NBEAL2: variants seen among roughly 807,000 people sequenced by gnomAD.
The protein encoded by NBEAL2 is neurobeachin-like protein 2.
NBEAL2 carries 160 observed loss-of-function variants against 299.8 expected under a neutral mutation model. The ratio of observed to expected loss-of-function variants is 0.53; its 90% CI spans 0.47 to 0.61. The LOEUF is 0.61. Ranked by LOEUF, NBEAL2 falls within the 20% of genes least tolerant of loss-of-function variation. NBEAL2 has a pLI of 0.00. For missense variants in NBEAL2, 3,112 were observed against 3,649.0 expected (o/e 0.85, Z 3.79); for synonymous variants, 1,493 against 1,542.3 (o/e 0.97, Z 0.75).
intron 1 of NBEAL2, among the ~76,000 whole-genome samples, chr3:46,980,350 G>C (rs982218433): frequency 2.6e-5 from 4 of 152,206 alleles, no homozygotes; most frequent in African/African-American, 9.6e-5. Flanking sequence ...CTGATTGGGT[G>C]GTCGTGGCCA....
Position 46,995,339 on chromosome 3 carries a change from A to T in NBEAL2, c.1604A>T (p.His535Leu), listed in dbSNP as rs944209192. ...RVSIRPMELR[H>L]LLRPRPGLDS... Reference sequence around the variant, plus strand: ...TCAATAAGGCCCATGGAGCTGCGTCACCTGCTGCGCCCCCGGCCAGGATTG... The same window carrying T: ...TCAATAAGGCCCATGGAGCTGCGTCTCCTGCTGCGCCCCCGGCCAGGATTG... Residue 535 changes from histidine to leucine, a missense_variant, in exon 13 of 54, where the codon CAC (histidine) becomes CTC (leucine). His to Leu is a moderately conservative substitution (Grantham distance 99, BLOSUM62 -3). Around this residue, in one of 3 missense-constraint regions of NBEAL2, gnomAD observed 2,243 missense variants for 2,538.1 expected, o/e 0.88. Transcript: ENST00000450053. 6.2e-7 allele frequency: 1 copy of T among 1,607,144 alleles called. No homozygotes were observed. Among genetic ancestry groups the T allele is most frequent in the East Asian group, 2.2e-5 (1 of 44,598 alleles).
rs200225793 is a variant in NBEAL2, at chr3:46,989,414, G to A, written c.473+33G>A. The A allele has an allele frequency of 4.7e-4, 737 of 1,567,370 alleles. 4 individuals carry two copies. The Middle Eastern group carries it at 7.0e-3, about 15-fold the overall frequency. On this transcript the variant is annotated intron_variant, in intron 5 of 53. Coordinates refer to ENST00000450053, the MANE Select transcript of NBEAL2 (RefSeq NM_015175.3). This position sits in a 1 kb window ranked among gnomAD's most constrained non-coding sequence, Gnocchi z 5.5. ...CCAGCCCACAGGAAGGGAACCCAGA[G>A]GAGGGTGGGGAGAGGATGGCCGCGC... is the stretch of plus-strand genomic sequence containing the variant.
At position 46,995,134 on chromosome 3, in the gene NBEAL2, C is replaced by T. The variant is rs1235108342; in HGVS notation, c.1399C>T (p.Leu467=). The change falls in exon 13 of 54, where the codon CTG becomes TTG. Residue 467 remains leucine (L), a synonymous_variant. Coordinates refer to ENST00000450053, the MANE Select transcript of NBEAL2 (RefSeq NM_015175.3). ...GCTGCCGTCATTGCCCACCGCTGAG[C>T]TGCGGCTCTTCCTAGCGCAACGCCT... ...QWLPSLPTAE[L]RLFLAQRLRW... 1 of 1,575,640 alleles carries T rather than the reference C, an allele frequency of 6.3e-7. No individual in the cohort carries two copies. The highest frequency in any genetic ancestry group is 1.2e-5 in the South Asian group (1 of 85,984).
Position 46,979,835 on chromosome 3 carries a change from G to A in NBEAL2, c.-27G>A. Reference sequence around the variant, plus strand: ...CGGAGGAGGCGGCGACAGGTGGCGCGCAGCAGGGCCGGAGCCGGGCCGGGC... The same window carrying A: ...CGGAGGAGGCGGCGACAGGTGGCGCACAGCAGGGCCGGAGCCGGGCCGGGC... On this transcript the variant is annotated 5_prime_UTR_variant, in exon 1 of 54. Coordinates refer to ENST00000450053, the MANE Select transcript of NBEAL2 (RefSeq NM_015175.3). The A allele has an allele frequency of 2.4e-6, 1 of 421,596 alleles. No homozygotes were observed. Among genetic ancestry groups the A allele is most frequent in the Non-Finnish European group, 4.1e-6 (1 of 240,974 alleles). The allele number at this position is 421,596 out of a possible 1,614,324, so 26.1% of individuals were successfully genotyped here. A position where few individuals can be genotyped will look rare whatever the true frequency, so the allele number is the denominator to read the frequency against.
rs926911119 is a variant in NBEAL2, at chr3:46,998,178, C to A, written c.3070C>A (p.Leu1024Ile). The A allele has an allele frequency of 6.2e-7, 1 of 1,608,864 alleles. No homozygotes were observed. Among genetic ancestry groups the A allele is most frequent in the African/African-American group, 1.3e-5 (1 of 74,846 alleles). The change falls in exon 21 of 54, where the codon CTC becomes ATC. Residue 1024 changes from leucine to isoleucine, a missense_variant. Leu to Ile is a conservative substitution (Grantham distance 5). Coordinates refer to ENST00000450053, the MANE Select transcript of NBEAL2 (RefSeq NM_015175.3). ...PLLYLLYQHL[L>I]FNFHLWTLSD... The stretch of plus-strand genomic sequence containing the variant: ...CCTGTACCTACTCTACCAGCATTTG[C>A]TCTTCAACTTTCACCTCTGGACCCT...
At chr3:46,980,587 T>C (rs74487585) in intron 1 of NBEAL2, among the ~76,000 whole-genome samples, 271 of 147,184 alleles carry the variant, frequency 1.8e-3, no homozygotes, top group African/African-American at 6.3e-3. Context: ...AGGGTGAGGG[T>C]GGGTCCTTGA....
chr3:47,006,082 T>C lies in NBEAL2; in HGVS notation c.6919+19T>C. On this transcript the variant is annotated intron_variant, in intron 43 of 53. Transcript: ENST00000450053. ...TATGAGGGTGGGCAGTGCGCTGGACTCCAGTCAGGGCCAGGACAAGATCAG... is the reference window on the plus strand; with the variant it reads ...TATGAGGGTGGGCAGTGCGCTGGACCCCAGTCAGGGCCAGGACAAGATCAG... 7 of 1,613,034 alleles carry C rather than the reference T, an allele frequency of 4.3e-6. No homozygotes were observed. Among genetic ancestry groups the C allele is most frequent in the Non-Finnish European group, 5.9e-6 (7 of 1,179,294 alleles).
At position 46,991,681 on chromosome 3, in the gene NBEAL2, C is replaced by G; in HGVS notation, c.918C>G (p.Ser306Arg). ...AGGCCCTTGTCACCCTCCGGGTCAG[C>G]ATGCTCGGTGGGTATGGGCTCCCAG... The part of the protein sequence containing the change: ...PEEALVTLRV[S>R]MLDAIPMMLA... Residue 306 changes from serine (S) to arginine (R), a missense_variant, in exon 8 of 54, where the codon AGC becomes AGG. Ser to Arg is a moderately radical substitution (Grantham distance 110). This residue lies in a region of NBEAL2 where 2,243 missense variants were observed against 2,538.1 expected (regional missense o/e 0.88). Coordinates refer to ENST00000450053, the MANE Select transcript of NBEAL2 (RefSeq NM_015175.3). This position sits in a 1 kb window ranked among gnomAD's most constrained non-coding sequence, Gnocchi z 6.2. The G allele has an allele frequency of 6.3e-7, 1 of 1,596,118 alleles. No homozygotes were observed. Among genetic ancestry groups the G allele is most frequent in the Non-Finnish European group, 8.5e-7 (1 of 1,177,490 alleles).
chr3:47,007,222 T>C lies in NBEAL2; in HGVS notation c.7225-19T>C, dbSNP rs1317532119. 6.2e-7 allele frequency: 1 copy of C among 1,609,694 alleles called. No homozygotes were observed. The highest frequency in any genetic ancestry group is 1.7e-5 in the Admixed American group (1 of 59,352). On this transcript the variant is annotated intron_variant, in intron 46 of 53. Coordinates refer to ENST00000450053, the MANE Select transcript of NBEAL2 (RefSeq NM_015175.3). Reference sequence around the variant, plus strand: ...CTTGCCTCTGCCAGAAACCCACCTCTGCCCCCTCCTGCCTGCAGGTGACTG... The same window carrying C: ...CTTGCCTCTGCCAGAAACCCACCTCCGCCCCCTCCTGCCTGCAGGTGACTG...
At position 46,994,577 on chromosome 3, in the gene NBEAL2, G is replaced by C. The variant is rs755423330; in HGVS notation, c.1296+24G>C. 10 of 1,544,216 alleles carry C rather than the reference G, an allele frequency of 6.5e-6. No homozygotes were observed. The Admixed American group carries it at 1.9e-4, about 29-fold the overall frequency. ...TGGTGAGGGAAGGGGCTTGGGACCA[G>C]GGTCCCAAAGGCAACCAGAACTGAG... On this transcript the variant is annotated intron_variant, in intron 12 of 53. Transcript: ENST00000450053.
Position 47,007,540 on chromosome 3 carries a change from G to T in NBEAL2, c.7350G>T (p.Leu2450=). ...TMGSHKTQRL[L]SGPWVPGSGV... is the part of the protein sequence containing the mutation. ...ACTGGGTCAGGACGCAGCGACTGCT[G>T]AGTGGCCCGTGGGTGCCAGGCAGTG... The change falls in exon 48 of 54, where the codon CTG becomes CTT. Residue 2450 remains leucine, a synonymous_variant. Transcript: ENST00000450053. The T allele has an allele frequency of 1.2e-6, 2 of 1,612,110 alleles. No individual in the cohort carries two copies. The highest frequency in any genetic ancestry group is 1.1e-5 in the South Asian group (1 of 90,790).
intron 18 of NBEAL2, 53 bp downstream of exon 18, chr3:46,997,099 T>C (rs1042363970): frequency 2.5e-6 from 4 of 1,572,666 alleles, no homozygotes; most frequent in South Asian, 1.1e-5. Flanking sequence ...ATGGGGCACA[T>C]GTGTGTTCGG....
In NBEAL2 at chr3:47,001,395, TG is replaced by T. The variant is rs754081621; in HGVS notation, c.4602del (p.Cys1535ValfsTer67). ...LWLLRLLQDF[L>X]CAEGHGNQEL... is the part of the protein sequence containing the mutation. ...CTGCTGCGTCTGCTGCAGGACTTCC[TG>T]TGTGCTGAAGGCCATGGTAACCAGG... On this transcript the variant is annotated frameshift_variant, in exon 29 of 54. Coordinates refer to ENST00000450053, the MANE Select transcript of NBEAL2 (RefSeq NM_015175.3). LOFTEE classifies it high-confidence loss of function. The surrounding 1 kb of genome is among the most constrained non-coding windows in gnomAD (Gnocchi z 6.1). The T allele has an allele frequency of 6.2e-7, 1 of 1,613,216 alleles. No homozygotes were observed. The highest frequency in any genetic ancestry group is 8.5e-7 in the Non-Finnish European group (1 of 1,179,876).
rs1559625081 is a variant in NBEAL2, at chr3:47,008,666, C to G, written c.8025C>G (p.Asn2675Lys). Residue 2675 changes from asparagine to lysine, a missense_variant and splice_region_variant, in exon 52 of 54, where the codon AAC becomes AAG. By Grantham distance (94) the Asn-to-Lys change is moderately conservative. Transcript: ENST00000450053. Reference sequence around the variant, plus strand: ...GCGCCCTGCACATCCTCCAACTAAACACGTAAGCCCCCCATTTATGGGTTC... The same window carrying G: ...GCGCCCTGCACATCCTCCAACTAAAGACGTAAGCCCCCCATTTATGGGTTC... ...AQCALHILQL[N>K]TLLPAAPPLP... 5 of 1,613,198 alleles carry G rather than the reference C, an allele frequency of 3.1e-6. No individual in the cohort carries two copies. The highest frequency in any genetic ancestry group is 4.2e-6 in the Non-Finnish European group (5 of 1,179,870).
rs2107392571 is a variant in NBEAL2 at position 47,000,909 on chromosome 3, A to C, written c.4306-92A>C. 1 of 1,524,756 alleles carries C rather than the reference A, an allele frequency of 6.6e-7. No homozygotes were observed. The highest frequency in any genetic ancestry group is 2.5e-5 in the East Asian group (1 of 40,642). 94.5% of individuals were successfully genotyped at this position (1,524,756 alleles called of 1,614,324 possible). A position where few individuals can be genotyped will look rare whatever the true frequency, so the allele number is the denominator to read the frequency against. On this transcript the variant is annotated intron_variant, in intron 27 of 53. Coordinates refer to ENST00000450053, the MANE Select transcript of NBEAL2 (RefSeq NM_015175.3). This position sits in a 1 kb window ranked among gnomAD's most constrained non-coding sequence, Gnocchi z 4.5. Reference sequence around the variant, plus strand: ...CTGACTCCTGGGTGGCTACCCCAGGAGGGGTGCTGAGTGGGGATGGGTGGG... The same window carrying C: ...CTGACTCCTGGGTGGCTACCCCAGGCGGGGTGCTGAGTGGGGATGGGTGGG...
intron 47 of NBEAL2, 84 bp from the exon 48 acceptor site, chr3:47,007,441 G>C: frequency 6.4e-7 from 1 of 1,557,164 alleles, no homozygotes; most frequent in Non-Finnish European, 8.7e-7. Context: ...CCAGCTGCAG[G>C]GGAAAGGTCT....
chr3:46,999,915 A>G lies in NBEAL2; in HGVS notation c.3816A>G (p.Pro1272=), dbSNP rs1344322684. 3 of 1,609,690 alleles carry G rather than the reference A, an allele frequency of 1.9e-6. No individual in the cohort carries two copies. The highest frequency in any genetic ancestry group is 4.5e-5 in the East Asian group (2 of 44,790). ...RQLFHLIYGQ[P]DVVRLLARQA... The stretch of plus-strand genomic sequence containing the variant: ...TTTTCCACCTCATCTACGGACAGCC[A>G]GATGTAGTGCGGCTTCTGGCCCGAC... The change falls in exon 27 of 54, where the codon CCA becomes CCG. Residue 1272 remains proline, a synonymous_variant. Coordinates refer to ENST00000450053, the MANE Select transcript of NBEAL2 (RefSeq NM_015175.3).
intron 11 of NBEAL2, among the ~76,000 whole-genome samples, 158 bp downstream of exon 11, chr3:46,994,178 A>G (rs769289067): frequency 6.6e-6 from 1 of 152,182 alleles, no homozygotes; most frequent in Non-Finnish European, 1.5e-5. Flanking sequence ...CTCACTGGGC[A>G]GGTGTGGTCG....
chr3:47,006,225 T>A lies in NBEAL2; in HGVS notation c.6980T>A (p.Ile2327Asn), dbSNP rs2037432871. The A allele has an allele frequency of 6.2e-7, 1 of 1,613,808 alleles. No individual in the cohort carries two copies. Among genetic ancestry groups the A allele is most frequent in the Admixed American group, 1.7e-5 (1 of 59,992 alleles). ...ERERKALEGI[I>N]SNFGQTPCQL... ...GAACGGAAGGCTCTGGAGGGCATTA[T>A]CAGCAACTTTGGGCAGACTCCCTGT... Residue 2327 changes from isoleucine to asparagine, a missense_variant, in exon 44 of 54, where the codon ATC becomes AAC. Physicochemically the swap from Ile to Asn is moderately radical, Grantham distance 149 (BLOSUM62 -3). This residue lies in a region of NBEAL2 where 521 missense variants were observed against 729.6 expected (regional missense o/e 0.71). Coordinates refer to ENST00000450053, the MANE Select transcript of NBEAL2 (RefSeq NM_015175.3).
Sources: gnomAD v4.1 joint callset for allele counts (sites outside exome capture counted in the v4.1 genomes callset) on GRCh38, gnomAD v4.1.1 for gene constraint, gnomAD v4.1.1 regional missense constraint, Gnocchi (gnomAD v3.1) non-coding constraint, MANE v1.5 for transcripts, NCBI Gene and HGNC (gene_info 2026-07-23, HGNC 2026-07-21) for gene names.